Variants in SCRG1 observed in about 807,000 individuals in gnomAD.
The protein encoded by SCRG1 is scrapie-responsive protein 1.
In SCRG1, 3 loss-of-function variants were observed where a neutral mutation model predicts 7.7. That is an observed-to-expected ratio of 0.39 (90% confidence interval 0.18 to 1.01). The LOEUF (loss-of-function observed/expected upper bound fraction) is 1.01. SCRG1 is among the 50% of genes least tolerant of loss of function. The pLI, the probability that SCRG1 is intolerant of heterozygous loss-of-function variation, is 0.36. For synonymous variants in SCRG1, 46 were observed against 41.2 expected (o/e 1.12, Z -0.44); for missense variants, 110 against 117.2 (o/e 0.94, Z 0.28).
chr4:173,494,914 T>C, the SCRG1 span, among the ~76,000 whole-genome samples: 7 of 152,192 alleles, frequency 4.6e-5, no homozygotes, highest in African/African-American at 1.7e-4. Context: ...ATCAACCACC[T>C]ATTCTGCGTA....
the SCRG1 span, among the ~76,000 whole-genome samples, chr4:173,486,407 T>C: frequency 1.3e-5 from 2 of 152,196 alleles, no homozygotes; most frequent in Admixed American, 1.3e-4. Context: ...CAGCTGGCCA[T>C]GTATCGTAGG....
the SCRG1 span, among the ~76,000 whole-genome samples, chr4:173,463,597 G>A: frequency 6.6e-6 from 1 of 152,142 alleles, no homozygotes; most frequent in Non-Finnish European, 1.5e-5. Flanking sequence ...TACCATTGAG[G>A]GAAGGAACCT....
chr4:173,408,035 T>A (rs1393247712), upstream of SCRG1, among the ~76,000 whole-genome samples: 1 of 152,202 alleles, frequency 6.6e-6, no homozygotes, highest in Admixed American at 6.5e-5. Context: ...ATTAGATAAC[T>A]AAAACTTGCT....
the SCRG1 span, among the ~76,000 whole-genome samples, chr4:173,483,121 A>C: frequency 1.3e-5 from 1 of 74,816 alleles, no homozygotes; most frequent in Admixed American, 2.1e-4. Flanking sequence ...TATTTTATAT[A>C]TAATGTATAT....
intron 2 of SCRG1, among the ~76,000 whole-genome samples, chr4:173,388,798 A>G (rs1400032423): frequency 2.0e-5 from 3 of 152,222 alleles, no homozygotes; most frequent in Admixed American, 2.0e-4. Context: ...GAAAGGAGAA[A>G]TGTTACAAAG....
the SCRG1 span, among the ~76,000 whole-genome samples, chr4:173,421,372 C>A: frequency 2.6e-5 from 4 of 151,220 alleles, no homozygotes; most frequent in African/African-American, 9.7e-5. Context: ...CAGTAAATGA[C>A]TCTTAGGAAA....
chr4:173,414,865 C>G, the SCRG1 span, among the ~76,000 whole-genome samples: 1 of 152,226 alleles, frequency 6.6e-6, no homozygotes, highest in Non-Finnish European at 1.5e-5. Flanking sequence ...GAATAGTTGA[C>G]ATCGTGCACT....
chr4:173,515,247 T>TC, the SCRG1 span, among the ~76,000 whole-genome samples: 14 of 151,678 alleles, frequency 9.2e-5, no homozygotes, highest in Non-Finnish European at 1.9e-4. This position sits in a 1 kb window ranked among gnomAD's most constrained non-coding sequence, Gnocchi z 4.6. Flanking sequence ...GTAAAATTAT[T>TC]ACCCCCTGCC....
the SCRG1 span, among the ~76,000 whole-genome samples, chr4:173,482,792 T>A: frequency 6.7e-6 from 1 of 150,294 alleles, no homozygotes; most frequent in Admixed American, 6.8e-5. Flanking sequence ...GACTCCAGCC[T>A]GGGTGACAAA....
the SCRG1 span, among the ~76,000 whole-genome samples, chr4:173,503,548 G>T: frequency 6.6e-6 from 1 of 152,182 alleles, no homozygotes; most frequent in Non-Finnish European, 1.5e-5. The surrounding 1 kb of genome is among the most constrained non-coding windows in gnomAD (Gnocchi z 6.4). Context: ...TGCATGGTGA[G>T]TGTTGAGGGG....
At chr4:173,428,165 A>G in the SCRG1 span, among the ~76,000 whole-genome samples, 1 of 152,196 alleles carries the variant, frequency 6.6e-6, no homozygotes, top group Admixed American at 6.5e-5. Context: ...TTTTGGGTTA[A>G]CACTCCATTT....
At chr4:173,501,127 G>A in the SCRG1 span, among the ~76,000 whole-genome samples, 1 of 152,212 alleles carries the variant, frequency 6.6e-6, no homozygotes, top group Non-Finnish European at 1.5e-5. The surrounding 1 kb of genome is among the most constrained non-coding windows in gnomAD (Gnocchi z 5.1). Context: ...AGGAGTGTTG[G>A]CCCTGGAGAG....
At chr4:173,451,173 T>C in the SCRG1 span, among the ~76,000 whole-genome samples, 2 of 151,476 alleles carry the variant, frequency 1.3e-5, no homozygotes, top group South Asian at 4.2e-4. Context: ...AGTGTATATA[T>C]CAACAGCCTC....
chr4:173,496,215 C>A, the SCRG1 span, among the ~76,000 whole-genome samples: 3 of 151,980 alleles, frequency 2.0e-5, no homozygotes, highest in African/African-American at 7.2e-5. Flanking sequence ...CATTAAAGAT[C>A]GGTCCAGCTG....
the SCRG1 span, among the ~76,000 whole-genome samples, chr4:173,497,274 A>C: frequency 6.6e-6 from 1 of 152,148 alleles, no homozygotes; most frequent in Non-Finnish European, 1.5e-5. Flanking sequence ...CTAGGACAAC[A>C]TTCTGGAGTG....
chr4:173,395,663 T>C (rs1341906991), intron 1 of SCRG1, among the ~76,000 whole-genome samples: 2 of 152,256 alleles, frequency 1.3e-5, no homozygotes, highest in Non-Finnish European at 2.9e-5. Flanking sequence ...CCTTGCTCTA[T>C]GTTCCCAAAG....
chr4:173,417,742 C>T, the SCRG1 span, among the ~76,000 whole-genome samples: 1 of 152,138 alleles, frequency 6.6e-6, no homozygotes, highest in Non-Finnish European at 1.5e-5. Flanking sequence ...GCGATCCTCC[C>T]ACCACCTCAG....
Position 173,387,652 on chromosome 4 carries a change from GT to G in SCRG1, c.*688del, listed in dbSNP as rs1387967966. The G allele has an allele frequency of 7.0e-6, 1 of 143,374 alleles. No homozygotes were observed. Among genetic ancestry groups the G allele is most frequent in the Non-Finnish European group, 1.5e-5 (1 of 66,342 alleles). 8.9% of individuals were successfully genotyped at this position (143,374 alleles called of 1,614,324 possible). ...TTAGTCACCAGTCCCAGCCTGAAAT[GT>G]ACTTAAAGTTATTAGCATACATAAT... is the stretch of plus-strand genomic sequence containing the variant. On this transcript the variant is annotated 3_prime_UTR_variant, in exon 3 of 3. Transcript: ENST00000296506.
chr4:173,406,122 A>G (rs1739898563), intron 1 of SCRG1: 1 of 152,264 alleles, frequency 6.6e-6, no homozygotes, highest in African/African-American at 2.4e-5. Context: ...TACTACGTGA[A>G]TCATTTGAGC....
Sources: allele counts gnomAD v4.1 joint callset (sites outside exome capture counted in the v4.1 genomes callset), GRCh38; gene constraint gnomAD v4.1.1; non-coding constraint Gnocchi (gnomAD v3.1); transcripts MANE v1.5; gene names NCBI Gene and HGNC (gene_info 2026-07-23, HGNC 2026-07-21).